Variants in CELSR2 observed in about 807,000 individuals in gnomAD.
The protein encoded by CELSR2 is EGF-like protein 2.
A neutral mutation model predicts 251.6 loss-of-function variants in CELSR2; 81 were observed. That is an observed-to-expected ratio of 0.32 (90% CI 0.27 to 0.39). CELSR2 has a LOEUF of 0.39. Ranked by LOEUF, CELSR2 falls within the 10% of genes least tolerant of loss-of-function variation. CELSR2 has a pLI of 1.00. For synonymous variants in CELSR2, 1,721 were observed against 1,670.5 expected (o/e 1.03, Z -0.74); for missense variants, 3,365 against 3,947.7 (o/e 0.85, Z 3.96).
Position 109,252,790 on chromosome 1 carries a change from C to T in CELSR2, c.2711C>T (p.Pro904Leu). ...AAGGGGATGCCCCCAGCCCGCACACCTATGGAAGTGACAGTCACTGTGTTG... is the reference window on the plus strand; with the variant it reads ...AAGGGGATGCCCCCAGCCCGCACACTTATGGAAGTGACAGTCACTGTGTTG... ...VDKGMPPART[P>L]MEVTVTVLDV... The change falls in exon 1 of 34, where the codon CCT becomes CTT. Residue 904 changes from proline (P) to leucine (L), a missense_variant. Transcript: ENST00000271332. The surrounding 1 kb of genome is among the most constrained non-coding windows in gnomAD (Gnocchi z 4.8). 2 of 1,614,032 alleles carry T rather than the reference C, an allele frequency of 1.2e-6. No individual in the cohort carries two copies. Among genetic ancestry groups the T allele is most frequent in the Non-Finnish European group, 1.7e-6 (2 of 1,180,040 alleles).
rs1271661263 is a variant in CELSR2, at chr1:109,271,704, C to G, written c.7908C>G (p.Thr2636=). 3.0e-5 allele frequency: 48 copies of G among 1,613,840 alleles called. No homozygotes were observed. Among genetic ancestry groups the G allele is most frequent in the Non-Finnish European group, 4.0e-5 (47 of 1,180,032 alleles). ...CCAGCCCTGACCCTGCTCTGACCAC[C>G]AAGTCCACCCTGACCTCGGTGAGGG... is the stretch of plus-strand genomic sequence containing the variant. ...RKPSPDPALT[T]KSTLTSSYNC... Residue 2636 remains threonine (T), a synonymous_variant, in exon 28 of 34, where the codon ACC becomes ACG. Transcript: ENST00000271332.
At chr1:109,271,174 G>A (rs1334835237) in intron 25 of CELSR2, 43 bp from the exon 26 acceptor site, 1 of 1,594,688 alleles carries the variant, frequency 6.3e-7, no homozygotes. Context: ...GGTGGAAGCT[G>A]TTTGTCCCCA....
intron 7 of CELSR2, 41 bp downstream of exon 7, chr1:109,263,010 C>A: frequency 6.2e-7 from 1 of 1,602,900 alleles, no homozygotes; most frequent in Non-Finnish European, 8.5e-7. Context: ...GATCCCAGTG[C>A]TGAGAGGAGG....
In CELSR2 at chr1:109,272,863, C is replaced by T. The variant is rs1178294442; in HGVS notation, c.8174C>T (p.Ser2725Phe). The T allele has an allele frequency of 6.2e-7, 1 of 1,613,726 alleles. No homozygotes were observed. The highest frequency in any genetic ancestry group is 8.5e-7 in the Non-Finnish European group (1 of 1,179,888). The change falls in exon 31 of 34, where the codon TCC becomes TTC. Residue 2725 changes from serine to phenylalanine, a missense_variant. Physicochemically the swap from Ser to Phe is radical, Grantham distance 155. Coordinates refer to ENST00000271332, the MANE Select transcript of CELSR2 (RefSeq NM_001408.3). Reference sequence around the variant, plus strand: ...GACACGGACTCCGACAGTGACCTGTCCTTAGAAGACGACCAGAGTGGCTCC... The same window carrying T: ...GACACGGACTCCGACAGTGACCTGTTCTTAGAAGACGACCAGAGTGGCTCC... ...DPDTDSDSDL[S>F]LEDDQSGSYA...
At position 109,259,000 on chromosome 1, in the gene CELSR2, C is replaced by T. The variant is rs954473140; in HGVS notation, c.3879C>T (p.Tyr1293=). The T allele has an allele frequency of 1.1e-5, 18 of 1,606,088 alleles. No individual in the cohort carries two copies. Among genetic ancestry groups the T allele is most frequent in the Non-Finnish European group, 1.5e-5 (18 of 1,179,010 alleles). Residue 1293 remains tyrosine (Y), a synonymous_variant, in exon 2 of 34, where the codon TAC becomes TAT. Transcript: ENST00000271332. ...DYCETEVDLC[Y]SRPCGPHGRC... is the part of the protein sequence containing the mutation. ...GCGAGACCGAGGTGGACCTCTGCTA[C>T]TCGCGGCCCTGTGGCCCCCACGGGC...
chr1:109,273,575 GC>G lies in CELSR2; in HGVS notation c.8653del (p.Arg2885GlyfsTer8). ...GGGGAGGCCCCCCTCCCCGCCCACC[GC>G]CCCGGCAGAGCCTCCAGGAGCAGCT... The part of the protein sequence containing the change: ...SRGGPPPRPP[P>X]RQSLQEQLNG... On this transcript the variant is annotated frameshift_variant, in exon 33 of 34. Transcript: ENST00000271332. LOFTEE classifies it high-confidence loss of function. The G allele has an allele frequency of 6.4e-7, 1 of 1,562,234 alleles. No individual in the cohort carries two copies. The highest frequency in any genetic ancestry group is 8.7e-7 in the Non-Finnish European group (1 of 1,153,926).
At position 109,270,144 on chromosome 1, in the gene CELSR2, C is replaced by A. The variant is rs1656328796; in HGVS notation, c.7308+11C>A. 3 of 1,612,972 alleles carry A rather than the reference C, an allele frequency of 1.9e-6. No homozygotes were observed. The South Asian group carries it at 3.3e-5, about 18-fold the overall frequency. ...CAGGCTGACCTCCCTGTAAGATGCT[C>A]CTACTGCCCAGAAACTGTCCCCACC... On this transcript the variant is annotated intron_variant, in intron 23 of 33. Transcript: ENST00000271332.
At chr1:109,255,743 CT>C (rs1655825896) in intron 1 of CELSR2, among the ~76,000 whole-genome samples, 1 of 152,248 alleles carries the variant, frequency 6.6e-6, no homozygotes, top group Non-Finnish European at 1.5e-5. Flanking sequence ...CTCCCCACCC[CT>C]GTTCCCATCC....
intron 5 of CELSR2, 131 bp from the exon 6 acceptor site, chr1:109,262,154 CGT>C (rs1467240139): frequency 7.8e-7 from 1 of 1,290,128 alleles, no homozygotes; most frequent in Non-Finnish European, 1.1e-6. Flanking sequence ...CGTGAGCACA[CGT>C]GTGTGTATAT....
Position 109,262,460 on chromosome 1 carries a change from G to A in CELSR2, c.4544+16G>A, listed in dbSNP as rs776468066. On this transcript the variant is annotated intron_variant, in intron 6 of 33. Transcript: ENST00000271332. Reference sequence around the variant, plus strand: ...GCAGCAAGAAGTGAGCAGGGGAAAGGGCCAGGGATGGGGTGAAGTGAGGGC... The same window carrying A: ...GCAGCAAGAAGTGAGCAGGGGAAAGAGCCAGGGATGGGGTGAAGTGAGGGC... 1.2e-5 allele frequency: 19 copies of A among 1,611,440 alleles called. No homozygotes were observed. Among genetic ancestry groups the A allele is most frequent in the Non-Finnish European group, 9.3e-6 (11 of 1,179,456 alleles).
At position 109,271,037 on chromosome 1, in the gene CELSR2, T is replaced by C. The variant is rs1261370778; in HGVS notation, c.7594T>C (p.Ser2532Pro). The C allele has an allele frequency of 6.2e-7, 1 of 1,612,400 alleles. No individual in the cohort carries two copies. The highest frequency in any genetic ancestry group is 8.5e-7 in the Non-Finnish European group (1 of 1,178,960). ...TGCTGGCCCGGTGGCCTTTGCCGTC[T>C]CGGTGAGTGCTAGCAGGTGGGTTGG... ...SFAGPVAFAV[S>P]MSVFLYILAA... Residue 2532 changes from serine (S) to proline (P), a missense_variant and splice_region_variant, in exon 25 of 34, where the codon TCG (serine) becomes CCG (proline). Physicochemically the swap from Ser to Pro is moderately conservative, Grantham distance 74. Around this residue, in one of 5 missense-constraint regions of CELSR2, gnomAD observed 2,093 missense variants for 2,382.8 expected, o/e 0.88. Coordinates refer to ENST00000271332, the MANE Select transcript of CELSR2 (RefSeq NM_001408.3).
intron 9 of CELSR2, 106 bp downstream of exon 9, chr1:109,263,883 A>G: frequency 1.4e-6 from 2 of 1,443,258 alleles, no homozygotes; most frequent in East Asian, 2.4e-5. Flanking sequence ...GGGTGGGGAC[A>G]TATAGAGGCC....
chr1:109,250,541 C>G lies in CELSR2; in HGVS notation c.462C>G (p.Pro154=), dbSNP rs113707713. The change falls in exon 1 of 34, where the codon CCC becomes CCG. Residue 154 remains proline, a synonymous_variant. Transcript: ENST00000271332. This position sits in a 1 kb window ranked among gnomAD's most constrained non-coding sequence, Gnocchi z 4.4. ...AGTCCTGCAAGCTGGCACAGGCCCC[C>G]GGGCTCAGGGCAGGGGAAAGGTCAC... is the stretch of plus-strand genomic sequence containing the variant. ...RCQSCKLAQA[P]GLRAGERSPE... 1.2e-6 allele frequency: 2 copies of G among 1,613,950 alleles called. No homozygotes were observed. The highest frequency in any genetic ancestry group is 3.3e-5 in the Admixed American group (2 of 60,030).
In CELSR2 at chr1:109,261,868, A is replaced by G. The variant is rs1231364635; in HGVS notation, c.4358A>G (p.His1453Arg). The G allele has an allele frequency of 5.7e-6, 9 of 1,589,574 alleles. No individual in the cohort carries two copies. Among genetic ancestry groups the G allele is most frequent in the Non-Finnish European group, 6.9e-6 (8 of 1,166,206 alleles). Reference protein sequence around the residue: ...VPGGVSDGQWHTVQLKYYNKP... With the variant: ...VPGGVSDGQWRTVQLKYYNKP... ...GGAGGAGTCAGTGATGGCCAGTGGC[A>G]TACGGTGCAGCTGAAATACTACAAT... Residue 1453 changes from histidine to arginine, a missense_variant, in exon 5 of 34, where the codon CAT (histidine) becomes CGT (arginine). Transcript: ENST00000271332. This position sits in a 1 kb window ranked among gnomAD's most constrained non-coding sequence, Gnocchi z 4.8.
intron 1 of CELSR2, among the ~76,000 whole-genome samples, chr1:109,253,853 G>A (rs187048945): frequency 6.6e-6 from 1 of 152,366 alleles, no homozygotes; most frequent in Admixed American, 6.5e-5. Context: ...GGGACCACGG[G>A]AGCACAGGGC....
Position 109,270,966 on chromosome 1 carries a change from C to T in CELSR2, c.7523C>T (p.Pro2508Leu). ...CTGGACCCCGAGGGCTACGGGAACCCTGACTTCTGCTGGCTCTCCATCTAT... is the reference window on the plus strand; with the variant it reads ...CTGGACCCCGAGGGCTACGGGAACCTTGACTTCTGCTGGCTCTCCATCTAT... The part of the protein sequence containing the change: ...VGLDPEGYGN[P>L]DFCWLSIYDT... The change falls in exon 25 of 34, where the codon CCT (proline) becomes CTT (leucine). Residue 2508 changes from proline to leucine, a missense_variant. Physicochemically the swap from Pro to Leu is moderately conservative, Grantham distance 98. This residue lies in a region of CELSR2 where 2,093 missense variants were observed against 2,382.8 expected (regional missense o/e 0.88). Transcript: ENST00000271332. The T allele has an allele frequency of 6.2e-7, 1 of 1,614,028 alleles. No homozygotes were observed. Among genetic ancestry groups the T allele is most frequent in the Non-Finnish European group, 8.5e-7 (1 of 1,180,010 alleles).
chr1:109,261,153 C>T lies in CELSR2; in HGVS notation c.4070C>T (p.Ser1357Phe), dbSNP rs1465482849. The T allele has an allele frequency of 6.2e-7, 1 of 1,614,182 alleles. No individual in the cohort carries two copies. Among genetic ancestry groups the T allele is most frequent in the South Asian group, 1.1e-5 (1 of 91,088 alleles). The change falls in exon 3 of 34, where the codon TCT becomes TTT. Residue 1357 changes from serine (S) to phenylalanine (F), a missense_variant. Ser to Phe is a radical substitution (Grantham distance 155). Transcript: ENST00000271332. This position sits in a 1 kb window ranked among gnomAD's most constrained non-coding sequence, Gnocchi z 4.8. ...GGCGGTTTCAAGTGCGATTGCCCATCTGGAGACTTCGAGAAGCCCTACTGC... is the reference window on the plus strand; with the variant it reads ...GGCGGTTTCAAGTGCGATTGCCCATTTGGAGACTTCGAGAAGCCCTACTGC... ...LVGGFKCDCP[S>F]GDFEKPYCQV...
rs1557725444 is a variant in CELSR2 at position 109,250,542 on chromosome 1, G to A, written c.463G>A (p.Gly155Arg). The change falls in exon 1 of 34, where the codon GGG (glycine) becomes AGG (arginine). Residue 155 changes from glycine (G) to arginine (R), a missense_variant. Coordinates refer to ENST00000271332, the MANE Select transcript of CELSR2 (RefSeq NM_001408.3). This position sits in a 1 kb window ranked among gnomAD's most constrained non-coding sequence, Gnocchi z 4.4. ...CQSCKLAQAP[G>R]LRAGERSPEE... ...GTCCTGCAAGCTGGCACAGGCCCCC[G>A]GGCTCAGGGCAGGGGAAAGGTCACC... 2 of 1,613,870 alleles carry A rather than the reference G, an allele frequency of 1.2e-6. No individual in the cohort carries two copies. Among genetic ancestry groups the A allele is most frequent in the South Asian group, 1.1e-5 (1 of 91,076 alleles).
In CELSR2 at chr1:109,271,581, G is replaced by A. The variant is rs764539198; in HGVS notation, c.7804-19G>A. ...GATGCCTGAATATGCACAGACCGTT[G>A]CTGCCTCTTGCCTGCCAGGGCCCCT... On this transcript the variant is annotated intron_variant, in intron 27 of 33. Transcript: ENST00000271332. 2 of 1,614,138 alleles carry A rather than the reference G, an allele frequency of 1.2e-6. No individual in the cohort carries two copies. The highest frequency in any genetic ancestry group is 1.7e-6 in the Non-Finnish European group (2 of 1,180,034).
Sources: allele counts gnomAD v4.1 joint callset (sites outside exome capture counted in the v4.1 genomes callset), GRCh38; gene constraint gnomAD v4.1.1; regional missense constraint gnomAD v4.1.1; non-coding constraint Gnocchi (gnomAD v3.1); transcripts MANE v1.5; gene names NCBI Gene and HGNC (gene_info 2026-07-23, HGNC 2026-07-21).